Variants in SPNS2 observed in about 807,000 individuals in gnomAD.
SPNS2 encodes sphingosine-1-phosphate transporter SPNS2.
SPNS2 carries 37 observed loss-of-function variants against 57.6 expected under a neutral mutation model. The ratio of observed to expected loss-of-function variants is 0.64; its 90% CI spans 0.49 to 0.85. The LOEUF is 0.85. SPNS2 is among the 40% of genes least tolerant of loss of function. The pLI is 0.00. For missense variants in SPNS2, 831 were observed against 779.1 expected, an observed-to-expected ratio of 1.07 and a Z score of -0.79; for synonymous variants, 440 against 346.9, an observed-to-expected ratio of 1.27 and a Z score of -2.98.
At position 4,498,984 on chromosome 17, in the gene SPNS2, G is replaced by T. The variant is rs1000854198; in HGVS notation, c.-64G>T. 6.2e-6 allele frequency: 6 copies of T among 962,038 alleles called. No individual in the cohort carries two copies. Among genetic ancestry groups the T allele is most frequent in the African/African-American group, 3.6e-5 (2 of 56,334 alleles). The allele number at this position is 962,038 out of a possible 1,614,324, so 59.6% of individuals were successfully genotyped here. A position where few individuals can be genotyped will look rare whatever the true frequency, so the allele number is the denominator to read the frequency against. ...TGGCGGCTCCGCGGCGCACGCACGCGCTGAGCGGGCCCAGCCTGGGCCCCG... is the reference window on the plus strand; with the variant it reads ...TGGCGGCTCCGCGGCGCACGCACGCTCTGAGCGGGCCCAGCCTGGGCCCCG... On this transcript the variant is annotated 5_prime_UTR_variant, in exon 1 of 13. Transcript: ENST00000329078.
chr17:4,525,348 G>C (rs764955856), intron 3 of SPNS2, among the ~76,000 whole-genome samples, 155 bp downstream of exon 3: 2 of 152,314 alleles, frequency 1.3e-5, no homozygotes, highest in Admixed American at 1.3e-4. Flanking sequence ...GGTGGTCTTC[G>C]GGTATTTTTA....
At chr17:4,504,436 A>G (rs1229971751) in intron 1 of SPNS2, among the ~76,000 whole-genome samples, 1 of 149,316 alleles carries the variant, frequency 6.7e-6, no homozygotes, top group African/African-American at 2.4e-5. Context: ...GCTTTGAAAC[A>G]TAGTACCTTG....
chr17:4,531,099 G>C lies in SPNS2; in HGVS notation c.772G>C (p.Asp258His), dbSNP rs1453418450. Reference sequence around the variant, plus strand: ...CTCCAGCGTGAAGCAGGCAGCCGGAGACTGGCACTGGGCATTGCGGGTAAG... The same window carrying C: ...CTCCAGCGTGAAGCAGGCAGCCGGACACTGGCACTGGGCATTGCGGGTAAG... ...TGSSVKQAAG[D>H]WHWALRVSPV... Residue 258 changes from aspartate (D) to histidine (H), a missense_variant, in exon 5 of 13, where the codon GAC (aspartate) becomes CAC (histidine). Coordinates refer to ENST00000329078, the MANE Select transcript of SPNS2 (RefSeq NM_001124758.3). 34 of 1,613,998 alleles carry C rather than the reference G, an allele frequency of 2.1e-5. No homozygotes were observed. The highest frequency in any genetic ancestry group is 2.8e-5 in the Non-Finnish European group (33 of 1,180,004).
chr17:4,528,215 G>T (rs1386050093), intron 3 of SPNS2, among the ~76,000 whole-genome samples: 2 of 151,892 alleles, frequency 1.3e-5, no homozygotes, highest in African/African-American at 2.4e-5. Context: ...TAGAGATGGG[G>T]TTTCACCATG....
intron 5 of SPNS2, among the ~76,000 whole-genome samples, chr17:4,532,123 CGTCT>C (rs951420872): frequency 1.8e-4 from 27 of 152,016 alleles, no homozygotes; most frequent in Admixed American, 7.9e-4. Context: ...ACCATCCGTC[CGTCT>C]ATCTATCCGT....
rs534372189 is a variant in SPNS2, at chr17:4,505,525, C to T, written c.370+6108C>T. Among the ~76,000 whole-genome samples the T allele has an allele frequency of 4.6e-5, 7 of 152,322 alleles. No individual in the cohort carries two copies. In the East Asian group the frequency reaches 9.7e-4, roughly 21 times the overall value. ...GTCCTCAGCCCTGACAATGAGGCCG[C>T]GCAACCCCCAAGCTGGGCAGAGCGG... On this transcript the variant is annotated intron_variant, in intron 1 of 12. Transcript: ENST00000329078.
rs1217180621 is a variant in SPNS2 at position 4,499,669 on chromosome 17, C to G, written c.370+252C>G. ...AGGAGTCCCCACCCCTGGAGCAGCC[C>G]GCGCGTCCTCTCCAGCCCTTGACGG... On this transcript the variant is annotated intron_variant, in intron 1 of 12. Coordinates refer to ENST00000329078, the MANE Select transcript of SPNS2 (RefSeq NM_001124758.3). This position sits in a 1 kb window ranked among gnomAD's most constrained non-coding sequence, Gnocchi z 5.2. 2.9e-6 allele frequency: 1 copy of G among 349,188 alleles called. No individual in the cohort carries two copies. The highest frequency in any genetic ancestry group is 1.4e-4 in the South Asian group (1 of 7,234). The allele number at this position is 349,188 out of a possible 1,614,324, so 21.6% of individuals were successfully genotyped here. A position where few individuals can be genotyped will look rare whatever the true frequency, so the allele number is the denominator to read the frequency against.
chr17:4,526,575 C>T (rs1046372932), intron 3 of SPNS2, among the ~76,000 whole-genome samples: 1 of 151,160 alleles, frequency 6.6e-6, no homozygotes, highest in Non-Finnish European at 1.5e-5. Flanking sequence ...TGCACTCCAG[C>T]CTGGGTGACA....
intron 1 of SPNS2, among the ~76,000 whole-genome samples, chr17:4,507,187 C>G (rs4790636): frequency 6.6e-6 from 1 of 152,050 alleles, no homozygotes; most frequent in African/African-American, 2.4e-5. Context: ...TGCAGCCAAG[C>G]GGGAGCAGGG....
Position 4,499,366 on chromosome 17 carries a change from A to T in SPNS2, c.319A>T (p.Ile107Phe). 7.0e-7 allele frequency: 1 copy of T among 1,421,544 alleles called. No individual in the cohort carries two copies. Among genetic ancestry groups the T allele is most frequent in the Non-Finnish European group, 9.2e-7 (1 of 1,091,604 alleles). 88.1% of individuals were successfully genotyped at this position (1,421,544 alleles called of 1,614,324 possible). A position where few individuals can be genotyped will look rare whatever the true frequency, so the allele number is the denominator to read the frequency against. ...LGRGRGAAAA[I>F]LSLGNVLNYL... ...CCGCGGGCGGGGGGCAGCCGCCGCC[A>T]TCCTCAGCTTGGGCAACGTGCTCAA... The change falls in exon 1 of 13, where the codon ATC becomes TTC. Residue 107 changes from isoleucine to phenylalanine, a missense_variant. Transcript: ENST00000329078. The surrounding 1 kb of genome is among the most constrained non-coding windows in gnomAD (Gnocchi z 5.2).
At chr17:4,531,352 G>C (rs1017376899) in intron 5 of SPNS2, among the ~76,000 whole-genome samples, 2 of 152,228 alleles carry the variant, frequency 1.3e-5, no homozygotes, top group Admixed American at 6.5e-5. Context: ...GGGGCCCCCA[G>C]GCTGAGGGTT....
In SPNS2 at chr17:4,513,327, C is replaced by T. The variant is rs954816955; in HGVS notation, c.436+15C>T. ...GCTGCAGTCAGGTGAGGCCCACCTCCCACCTTCCCCCCCACGCCCAGGCGT... is the reference window on the plus strand; with the variant it reads ...GCTGCAGTCAGGTGAGGCCCACCTCTCACCTTCCCCCCCACGCCCAGGCGT... On this transcript the variant is annotated intron_variant, in intron 2 of 12. Transcript: ENST00000329078. The T allele has an allele frequency of 6.2e-6, 10 of 1,613,174 alleles. No individual in the cohort carries two copies. In the African/African-American group the frequency reaches 1.2e-4, roughly 19 times the overall value.
Position 4,533,420 on chromosome 17 carries a change from C to T in SPNS2, c.1266C>T (p.Ile422=), listed in dbSNP as rs375248700. 141 of 1,603,084 alleles carry T rather than the reference C, an allele frequency of 8.8e-5. 1 individual carries two copies. The highest frequency in any genetic ancestry group is 2.8e-4 in the South Asian group (25 of 90,164). ...CLIFVAAKSS[I]VGAYICIFVG... is the part of the protein sequence containing the mutation. ...TCTTCGTGGCTGCCAAGAGCAGCAT[C>T]GTAGGAGCCTATGTGAGTGCAGCGG... is the stretch of plus-strand genomic sequence containing the variant. Residue 422 remains isoleucine (I), a synonymous_variant, in exon 8 of 13, where the codon ATC becomes ATT. Transcript: ENST00000329078.
chr17:4,525,397 C>T (rs767620031), intron 3 of SPNS2, among the ~76,000 whole-genome samples: 16 of 152,252 alleles, frequency 1.1e-4, no homozygotes, highest in Admixed American at 2.6e-4. Context: ...CCACGCTGGC[C>T]TGACCTGAGA....
rs144975524 is a variant in SPNS2, at chr17:4,520,545, C to G, written c.437-4512C>G. ...TCTGCCGCCTTCTAAACACCAAACC[C>G]TGTCCTGGTCTTTAGCCCAGTCCTC... On this transcript the variant is annotated intron_variant, in intron 2 of 12. Transcript: ENST00000329078. Among the ~76,000 whole-genome samples, 971 of 152,238 alleles carry G rather than the reference C, an allele frequency of 6.4e-3. 11 individuals are homozygous for G. Among genetic ancestry groups the G allele is most frequent in the African/African-American group, 0.023 (937 of 41,536 alleles).
chr17:4,502,157 C>T (rs1017487525), intron 1 of SPNS2, among the ~76,000 whole-genome samples: 5 of 152,034 alleles, frequency 3.3e-5, no homozygotes, highest in Admixed American at 3.3e-4. Flanking sequence ...GGGTGGATCA[C>T]CTGAGGTCGG....
chr17:4,520,612 T>C (rs796416210), intron 2 of SPNS2, among the ~76,000 whole-genome samples: 5 of 152,258 alleles, frequency 3.3e-5, no homozygotes, highest in African/African-American at 1.2e-4. Context: ...TTGAGCATCC[T>C]CAGGCCATGG....
rs1368617300 is a variant in SPNS2 at position 4,537,645 on chromosome 17, T to G, written c.*197T>G. 1 of 456,788 alleles carries G rather than the reference T, an allele frequency of 2.2e-6. No homozygotes were observed. The allele number at this position is 456,788 out of a possible 1,614,324, so 28.3% of individuals were successfully genotyped here. A position where few individuals can be genotyped will look rare whatever the true frequency, so the allele number is the denominator to read the frequency against. ...TGTCCTCAGTTACCCTGGAAGGATG[T>G]GTGTGTTGGAGCCACACGGTTGGAC... is the stretch of plus-strand genomic sequence containing the variant. On this transcript the variant is annotated 3_prime_UTR_variant, in exon 13 of 13. Coordinates refer to ENST00000329078, the MANE Select transcript of SPNS2 (RefSeq NM_001124758.3).
rs1904370717 is a variant in SPNS2, at chr17:4,499,121, GCC to G, written c.75_76del (p.Arg26AlafsTer11). 1 of 1,120,020 alleles carries G rather than the reference GCC, an allele frequency of 8.9e-7. No homozygotes were observed. The highest frequency in any genetic ancestry group is 1.1e-6 in the Non-Finnish European group (1 of 916,528). The allele number at this position is 1,120,020 out of a possible 1,614,324, so 69.4% of individuals were successfully genotyped here. A position where few individuals can be genotyped will look rare whatever the true frequency, so the allele number is the denominator to read the frequency against. On this transcript the variant is annotated frameshift_variant, in exon 1 of 13. Coordinates refer to ENST00000329078, the MANE Select transcript of SPNS2 (RefSeq NM_001124758.3). LOFTEE classifies it high-confidence loss of function. The surrounding 1 kb of genome is among the most constrained non-coding windows in gnomAD (Gnocchi z 5.2). The stretch of plus-strand genomic sequence containing the variant: ...GAGGAGGCGGACGCGGAGCGGCGGC[GCC>G]GGCGCCGGGGGGCGCAGCGAGGGGC...
Sources: gnomAD v4.1 joint callset for allele counts (sites outside exome capture counted in the v4.1 genomes callset) on GRCh38, gnomAD v4.1.1 for gene constraint, Gnocchi (gnomAD v3.1) non-coding constraint, MANE v1.5 for transcripts, NCBI Gene and HGNC (gene_info 2026-07-23, HGNC 2026-07-21) for gene names.